The following MORN1 variants were observed in gnomAD, a reference collection of about 807,000 sequenced individuals.
The protein encoded by MORN1 is MORN repeat containing 1.
MORN1 carries 67 observed loss-of-function variants against 61.9 expected under a neutral mutation model. The observed-to-expected ratio is 1.08, with a 90% confidence interval of 0.89 to 1.33. The LOEUF (loss-of-function observed/expected upper bound fraction) is 1.33. Among genes scored for constraint, MORN1 ranks in the 40% most tolerant of loss-of-function variants. The probability of loss-of-function intolerance (pLI) is 0.00; values close to 1 mark genes in which losing one functional copy is unlikely to be tolerated. For missense variants in MORN1, 752 were observed against 691.2 expected, an observed-to-expected ratio of 1.09 and a Z score of -0.99; for synonymous variants, 301 against 292.0, an observed-to-expected ratio of 1.03 and a Z score of -0.31.
intron 5 of MORN1, chr1:2,385,407 C>T (rs968297885): frequency 6.6e-5 from 28 of 425,112 alleles, no homozygotes; most frequent in Middle Eastern, 6.5e-4. Context: ...AATTTCCACA[C>T]GGGCTGAAGA....
At chr1:2,378,879 T>G (rs1642306972) in intron 6 of MORN1, 1 of 453,190 alleles carries the variant, frequency 2.2e-6, no homozygotes, top group South Asian at 1.6e-5. Flanking sequence ...CCAGGACCTC[T>G]GTGGCTTCCG....
chr1:2,347,673 T>C (rs544985195), intron 10 of MORN1, among the ~76,000 whole-genome samples: 1 of 152,294 alleles, frequency 6.6e-6, no homozygotes, highest in East Asian at 1.9e-4. Context: ...GCCCGTGCGA[T>C]GCTCCCAGTG....
chr1:2,374,444 A>G lies in MORN1; in HGVS notation c.634+17T>C. On this transcript the variant is annotated intron_variant, in intron 7 of 13. Coordinates refer to ENST00000378531, the MANE Select transcript of MORN1 (RefSeq NM_024848.3). Reference sequence around the variant, plus strand: ...CAGTGGACCTCACAGTGCCCACAGGAAGGCAGGGACACCTACCTGCTGGGT... The same window carrying G: ...CAGTGGACCTCACAGTGCCCACAGGGAGGCAGGGACACCTACCTGCTGGGT... 1 of 1,564,222 alleles carries G rather than the reference A, an allele frequency of 6.4e-7. No homozygotes were observed. The highest frequency in any genetic ancestry group is 2.3e-5 in the East Asian group (1 of 42,918).
intron 8 of MORN1, 57 bp from the exon 9 acceptor site, chr1:2,358,772 G>A (rs899479346): frequency 5.1e-6 from 8 of 1,557,090 alleles, no homozygotes; most frequent in Middle Eastern, 2.0e-4. Flanking sequence ...AGCGGGGTGC[G>A]CGGGCCCGGG....
intron 13 of MORN1, chr1:2,323,304 C>G: frequency 1.0e-6 from 1 of 985,428 alleles, no homozygotes; most frequent in Non-Finnish European, 1.2e-6. Context: ...CCCGCTGCGC[C>G]AGAGGCAGCT....
At chr1:2,383,607 C>A (rs1158403739) in intron 6 of MORN1, among the ~76,000 whole-genome samples, 1 of 152,238 alleles carries the variant, frequency 6.6e-6, no homozygotes, top group Non-Finnish European at 1.5e-5. Context: ...CTCTAAGGAA[C>A]GAGGGACTCC....
At chr1:2,326,456 G>A (rs1018265472) in intron 12 of MORN1, 10 of 152,266 alleles carry the variant, frequency 6.6e-5, no homozygotes, top group African/African-American at 1.4e-4. Flanking sequence ...CGGGAGTCTC[G>A]GCCTAGGGAG....
At position 2,322,348 on chromosome 1, in the gene MORN1, G is replaced by A. The variant is rs1569895099; in HGVS notation, c.1298-769C>T. ...GGCCCGGGCTCACACCAGGAATGCGGCCGCAGCTGAAATGGGGGCAGGAGT... is the reference window on the plus strand; with the variant it reads ...GGCCCGGGCTCACACCAGGAATGCGACCGCAGCTGAAATGGGGGCAGGAGT... On this transcript the variant is annotated intron_variant, in intron 13 of 13. Transcript: ENST00000378531. 4.1e-6 allele frequency: 4 copies of A among 985,458 alleles called. No homozygotes were observed. The South Asian group carries it at 1.4e-4, about 35-fold the overall frequency. The allele number at this position is 985,458 out of a possible 1,614,324, so 61.0% of individuals were successfully genotyped here.
intron 6 of MORN1, among the ~76,000 whole-genome samples, chr1:2,379,472 G>A (rs868364316): frequency 1.5e-4 from 23 of 152,292 alleles, no homozygotes; most frequent in African/African-American, 5.5e-4. Context: ...AGCTCCCAGG[G>A]AAGAAGTCAA....
chr1:2,363,548 G>A (rs570672347), intron 8 of MORN1: 167 of 152,238 alleles, frequency 1.1e-3, no homozygotes, highest in African/African-American at 3.9e-3. Context: ...CTTGAGACCA[G>A]GAGTTTAAGA....
chr1:2,390,772 TGA>T, intron 1 of MORN1: 12 of 977,972 alleles, frequency 1.2e-5, no homozygotes, highest in Non-Finnish European at 1.5e-5. Flanking sequence ...TTTTTGAGAC[TGA>T]GTCTTGCTCT....
At chr1:2,328,539 G>A (rs1271611496) in intron 12 of MORN1, among the ~76,000 whole-genome samples, 3 of 152,188 alleles carry the variant, frequency 2.0e-5, no homozygotes, top group East Asian at 1.9e-4. Flanking sequence ...GGCCGGGTGC[G>A]GCTTTCAGAG....
intron 10 of MORN1, among the ~76,000 whole-genome samples, chr1:2,348,725 G>GCACA (rs778268074): frequency 5.2e-4 from 70 of 133,340 alleles, no homozygotes; most frequent in Admixed American, 7.3e-4. Context: ...GCGCGGGCAC[G>GCACA]CACACGCACA....
Position 2,337,885 on chromosome 1 carries a change from C to T in MORN1, c.1037-1035G>A. The stretch of plus-strand genomic sequence containing the variant: ...TGAGTGTCCCCACCAGGCAGTGACA[C>T]CATCAAAAAAACAGAAGAGACCCAG... On this transcript the variant is annotated intron_variant, in intron 10 of 13. Transcript: ENST00000378531. This position sits in a 1 kb window ranked among gnomAD's most constrained non-coding sequence, Gnocchi z 5.7. Among the ~76,000 whole-genome samples the T allele has an allele frequency of 6.6e-6, 1 of 151,998 alleles. No individual in the cohort carries two copies. Among genetic ancestry groups the T allele is most frequent in the East Asian group, 1.9e-4 (1 of 5,186 alleles).
rs537838201 is a variant in MORN1 at position 2,351,961 on chromosome 1, G to A, written c.1036+5471C>T. On this transcript the variant is annotated intron_variant, in intron 10 of 13. Coordinates refer to ENST00000378531, the MANE Select transcript of MORN1 (RefSeq NM_024848.3). ...CCACCAATTGGGCTTCCCTCTGCTC[G>A]AGGGACACCAGTAGGCATGCCCCCT... is the stretch of plus-strand genomic sequence containing the variant. The A allele has an allele frequency of 1.8e-4, 92 of 521,782 alleles. No individual in the cohort carries two copies. The East Asian group carries it at 4.1e-3, about 23-fold the overall frequency. 32.3% of individuals were successfully genotyped at this position (521,782 alleles called of 1,614,324 possible).
intron 10 of MORN1, among the ~76,000 whole-genome samples, chr1:2,348,811 GCACGCACACA>G (rs922256310): frequency 4.0e-5 from 6 of 149,714 alleles, no homozygotes; most frequent in African/African-American, 7.4e-5. Flanking sequence ...TCCTGCGCGG[GCACGCACACA>G]CACGCACGCA....
intron 6 of MORN1, among the ~76,000 whole-genome samples, chr1:2,382,811 C>G (rs150098323): frequency 0.016 from 2,477 of 152,306 alleles, 68 homozygotes; most frequent in Non-Finnish European, 0.017. Context: ...GACATGGGCT[C>G]CCGTGGTCCA....
chr1:2,327,508 AGAGACAC>A (rs1005829229), intron 12 of MORN1, among the ~76,000 whole-genome samples: 2 of 97,848 alleles, frequency 2.0e-5, no homozygotes, highest in African/African-American at 1.4e-4. Context: ...AAACAAACAC[AGAGACAC>A]AGACACACAG....
intron 13 of MORN1, chr1:2,323,437 C>T: frequency 1.0e-6 from 1 of 985,412 alleles, no homozygotes; most frequent in Non-Finnish European, 1.2e-6. Context: ...GACAGAGAGG[C>T]TCCATTCTCC....
Sources: gnomAD v4.1 joint callset for allele counts (sites outside exome capture counted in the v4.1 genomes callset) on GRCh38, gnomAD v4.1.1 for gene constraint, Gnocchi (gnomAD v3.1) non-coding constraint, MANE v1.5 for transcripts, NCBI Gene and HGNC (gene_info 2026-07-23, HGNC 2026-07-21) for gene names.